The following FREM2 variants were observed in gnomAD, a reference collection of about 807,000 sequenced individuals.
The protein encoded by FREM2 is FRAS1 related extracellular matrix 2.
Under a neutral mutation model 219.9 loss-of-function variants are expected in FREM2, and 119 were observed. That is an observed-to-expected ratio of 0.54 (90% CI 0.47 to 0.63). The LOEUF (loss-of-function observed/expected upper bound fraction) is 0.63. Ranked by LOEUF, FREM2 falls within the 30% of genes least tolerant of loss-of-function variation. The probability of loss-of-function intolerance (pLI) is 0.00; values close to 1 mark genes in which losing one functional copy is unlikely to be tolerated. For missense variants in FREM2, 4,030 were observed against 3,993.6 expected (o/e 1.01, Z -0.25); for synonymous variants, 1,562 against 1,522.8 (o/e 1.03, Z -0.60).
At chr13:38,807,324 C>T (rs780664476) in intron 6 of FREM2, among the ~76,000 whole-genome samples, 5 of 148,340 alleles carry the variant, frequency 3.4e-5, no homozygotes, top group Non-Finnish European at 5.9e-5. Flanking sequence ...ATCCTCTGAC[C>T]TCAGCCTCCC....
In FREM2 at chr13:38,855,892, A is replaced by T. The variant is rs142614413; in HGVS notation, c.6926-234A>T. On this transcript the variant is annotated intron_variant, in intron 11 of 23. Coordinates refer to ENST00000280481, the MANE Select transcript of FREM2 (RefSeq NM_207361.6). ...AAAACTCTATGGAAATAAAAAAATTAAAAAAATAAAGTCTTGGGAAAAAAG... is the reference window on the plus strand; with the variant it reads ...AAAACTCTATGGAAATAAAAAAATTTAAAAAATAAAGTCTTGGGAAAAAAG... Among the ~76,000 whole-genome samples the T allele has an allele frequency of 2.0e-4, 31 of 152,228 alleles. No homozygotes were observed. In the East Asian group the frequency reaches 3.1e-3, roughly 15 times the overall value.
rs1878326718 is a variant in FREM2 at position 38,876,047 on chromosome 13, G to A, written c.8307G>A (p.Met2769Ile). 1.2e-6 allele frequency: 2 copies of A among 1,613,788 alleles called. No homozygotes were observed. The highest frequency in any genetic ancestry group is 2.2e-5 in the East Asian group (1 of 44,874). Residue 2769 changes from methionine (M) to isoleucine (I), a missense_variant, in exon 19 of 24, where the codon ATG becomes ATA. Transcript: ENST00000280481. The part of the protein sequence containing the change: ...HPASFTSSVI[M>I]SADHPGLTFS... ...CATCCTTTACAAGCTCAGTGATCAT[G>A]TCAGCTGATCATCCAGGCCTGACAT...
intron 18 of FREM2, 119 bp from the exon 19 acceptor site, chr13:38,875,903 C>A (rs141185444): frequency 4.1e-6 from 4 of 972,680 alleles, no homozygotes; most frequent in African/African-American, 1.6e-5. Flanking sequence ...TGCTTTGCAG[C>A]CTTCTTATAA....
intron 17 of FREM2, among the ~76,000 whole-genome samples, chr13:38,874,003 A>G (rs1385138843): frequency 6.6e-6 from 1 of 152,230 alleles, no homozygotes; most frequent in Non-Finnish European, 1.5e-5. Context: ...CAACCTCCAC[A>G]TAGGATCTCT....
At chr13:38,749,304 A>G (rs1370925427) in intron 2 of FREM2, among the ~76,000 whole-genome samples, 1 of 152,170 alleles carries the variant, frequency 6.6e-6, no homozygotes, top group African/African-American at 2.4e-5. Flanking sequence ...ACTTTCTGCA[A>G]CAAGAGAATA....
chr13:38,790,593 T>C (rs1488027672), intron 6 of FREM2, among the ~76,000 whole-genome samples: 2 of 152,174 alleles, frequency 1.3e-5, no homozygotes, highest in Non-Finnish European at 2.9e-5. Flanking sequence ...TAATACTAAA[T>C]TGCCATTTGT....
intron 4 of FREM2, among the ~76,000 whole-genome samples, chr13:38,780,689 A>G (rs1432554500): frequency 6.6e-6 from 1 of 152,228 alleles, no homozygotes; most frequent in Admixed American, 6.5e-5. Context: ...CGGAAAGCCA[A>G]AGACAACTTT....
rs1343329610 is a variant in FREM2, at chr13:38,884,066, A to G, written c.*3279A>G. 6.6e-6 allele frequency: 1 copy of G among 152,210 alleles called. No individual in the cohort carries two copies. The highest frequency in any genetic ancestry group is 1.5e-5 in the Non-Finnish European group (1 of 68,048). The allele number at this position is 152,210 out of a possible 1,614,324, so 9.4% of individuals were successfully genotyped here. A position where few individuals can be genotyped will look rare whatever the true frequency, so the allele number is the denominator to read the frequency against. On this transcript the variant is annotated 3_prime_UTR_variant, in exon 24 of 24. Coordinates refer to ENST00000280481, the MANE Select transcript of FREM2 (RefSeq NM_207361.6). ...CTTCCAGCTCGTTAGCAGCATTAGCACCTTCTGAATTCCACCCTCTCAGAA... is the reference window on the plus strand; with the variant it reads ...CTTCCAGCTCGTTAGCAGCATTAGCGCCTTCTGAATTCCACCCTCTCAGAA...
chr13:38,765,126 A>G (rs908316875), intron 3 of FREM2, among the ~76,000 whole-genome samples: 7 of 152,212 alleles, frequency 4.6e-5, no homozygotes, highest in Non-Finnish European at 1.0e-4. Context: ...TAGCCAGGAT[A>G]GTCTCGATCT....
intron 5 of FREM2, 86 bp downstream of exon 5, chr13:38,783,281 A>G (rs929298327): frequency 6.0e-6 from 8 of 1,340,280 alleles, no homozygotes; most frequent in African/African-American, 1.4e-5. Flanking sequence ...ACATTTTACC[A>G]TGAGGGGTAT....
chr13:38,738,576 A>T (rs1291425345), intron 2 of FREM2, among the ~76,000 whole-genome samples: 1 of 149,886 alleles, frequency 6.7e-6, no homozygotes, highest in African/African-American at 2.5e-5. Flanking sequence ...AAAAAAAAAA[A>T]AAAAAAAAAA....
At chr13:38,745,804 A>T (rs1872456609) in intron 2 of FREM2, among the ~76,000 whole-genome samples, 1 of 152,116 alleles carries the variant, frequency 6.6e-6, no homozygotes, top group South Asian at 2.1e-4. Flanking sequence ...AATGCTGGGT[A>T]ATTATCACTA....
At chr13:38,743,884 T>C (rs2137783993) in intron 2 of FREM2, among the ~76,000 whole-genome samples, 1 of 152,256 alleles carries the variant, frequency 6.6e-6, no homozygotes, top group Admixed American at 6.5e-5. Flanking sequence ...GTAGGGCAAA[T>C]GGATTAATGA....
At position 38,881,336 on chromosome 13, in the gene FREM2, C is replaced by A. The variant is rs961517411; in HGVS notation, c.*549C>A. 6.2e-6 allele frequency: 1 copy of A among 160,014 alleles called. No individual in the cohort carries two copies. The highest frequency in any genetic ancestry group is 1.4e-5 in the Non-Finnish European group (1 of 72,180). 9.9% of individuals were successfully genotyped at this position (160,014 alleles called of 1,614,324 possible). ...TGGCTCAACCCACAAATCAACTGAT[C>A]TACTACTTGGGAGACAGTGGAAGGA... On this transcript the variant is annotated 3_prime_UTR_variant, in exon 24 of 24. Transcript: ENST00000280481.
chr13:38,860,053 G>C (rs11618319), intron 14 of FREM2, among the ~76,000 whole-genome samples: 8,633 of 152,146 alleles, frequency 0.057, 277 homozygotes, highest in Middle Eastern at 0.095. Flanking sequence ...GCGGGATATT[G>C]TGGGAATGGC....
chr13:38,699,924 A>T (rs1870275406), intron 2 of FREM2, among the ~76,000 whole-genome samples: 1 of 152,114 alleles, frequency 6.6e-6, no homozygotes, highest in South Asian at 2.1e-4. Flanking sequence ...GATAGTAGGC[A>T]TATCTATAAG....
intron 2 of FREM2, among the ~76,000 whole-genome samples, chr13:38,764,020 G>A (rs547455264): frequency 6.6e-6 from 1 of 152,182 alleles, no homozygotes; most frequent in African/African-American, 2.4e-5. Context: ...TTTAGTTTTA[G>A]GATTAAACTA....
At chr13:38,695,392 C>T (rs1239217001) in intron 1 of FREM2, among the ~76,000 whole-genome samples, 3 of 151,972 alleles carry the variant, frequency 2.0e-5, no homozygotes, top group Admixed American at 6.6e-5. Flanking sequence ...AAATTGGGTA[C>T]CAGAGTGCCA....
chr13:38,799,718 CCTT>C (rs1231761758), intron 6 of FREM2, among the ~76,000 whole-genome samples: 2 of 150,600 alleles, frequency 1.3e-5, no homozygotes, highest in African/African-American at 2.4e-5. Flanking sequence ...TATATAGTGA[CCTT>C]CTTTCTCTTT....
Sources: gnomAD v4.1 joint callset for allele counts (sites outside exome capture counted in the v4.1 genomes callset) on GRCh38, gnomAD v4.1.1 for gene constraint, MANE v1.5 for transcripts, NCBI Gene and HGNC (gene_info 2026-07-23, HGNC 2026-07-21) for gene names.